REEP1: variants seen among roughly 807,000 people sequenced by gnomAD.
REEP1 encodes receptor accessory protein 1.
Under a neutral mutation model 40.3 loss-of-function variants are expected in REEP1, and 22 were observed. That is an observed-to-expected ratio of 0.55 (90% CI 0.39 to 0.78). The LOEUF is 0.78. Ranked by LOEUF, REEP1 falls within the 30% of genes least tolerant of loss-of-function variation. The probability of loss-of-function intolerance (pLI) is 0.00; values close to 1 mark genes in which losing one functional copy is unlikely to be tolerated. For synonymous variants in REEP1, 116 were observed against 139.2 expected (o/e 0.83, Z 1.17); for missense variants, 280 against 361.1 (o/e 0.78, Z 1.82).
At chr2:86,248,851 C>T (rs1158810983) in intron 5 of REEP1, among the ~76,000 whole-genome samples, 2 of 152,174 alleles carry the variant, frequency 1.3e-5, no homozygotes, top group Non-Finnish European at 2.9e-5. Context: ...TATAGTCACC[C>T]CAGCTATGGG....
Position 86,214,004 on chromosome 2 carries a change from A to G in REEP1, c.*3035T>C. The G allele has an allele frequency of 3.7e-6, 1 of 267,354 alleles. No homozygotes were observed. Among genetic ancestry groups the G allele is most frequent in the East Asian group, 8.7e-5 (1 of 11,478 alleles). The allele number at this position is 267,354 out of a possible 1,614,324, so 16.6% of individuals were successfully genotyped here. On this transcript the variant is annotated 3_prime_UTR_variant, in exon 9 of 9. Transcript: ENST00000538924. ...ACATTACAAAGATGTTTTTTAAAAG[A>G]AAAATGTTAAGACTTTATTCAAGAT...
At chr2:86,321,470 G>A (rs1680267450) in intron 1 of REEP1, among the ~76,000 whole-genome samples, 4 of 152,104 alleles carry the variant, frequency 2.6e-5, no homozygotes, top group Admixed American at 2.0e-4. Flanking sequence ...CTTAGTTTAT[G>A]AGGCTAGCAC....
chr2:86,277,134 G>C (rs1677798473), intron 2 of REEP1, among the ~76,000 whole-genome samples: 1 of 152,178 alleles, frequency 6.6e-6, no homozygotes, highest in Admixed American at 6.5e-5. Context: ...TATGGGCTTT[G>C]AGGTGCTAAC....
chr2:86,303,981 G>A (rs75882772), intron 1 of REEP1, among the ~76,000 whole-genome samples: 12,009 of 152,170 alleles, frequency 0.079, 777 homozygotes, highest in African/African-American at 0.17. Context: ...GCTGGTGACT[G>A]AAAATATGAA....
intron 5 of REEP1, among the ~76,000 whole-genome samples, chr2:86,242,544 G>T (rs1280028421): frequency 1.3e-5 from 2 of 151,918 alleles, no homozygotes; most frequent in African/African-American, 4.8e-5. Flanking sequence ...GAGTGGGGAG[G>T]ATTTCAAAGA....
chr2:86,317,914 C>T (rs1027407561), intron 1 of REEP1, among the ~76,000 whole-genome samples: 1 of 152,180 alleles, frequency 6.6e-6, no homozygotes, highest in Non-Finnish European at 1.5e-5. Context: ...CTGATGAACT[C>T]CGGTTATTCA....
intron 1 of REEP1, among the ~76,000 whole-genome samples, chr2:86,330,419 GTGT>G (rs1680713667): frequency 1.0e-5 from 1 of 99,692 alleles, no homozygotes; most frequent in Non-Finnish European, 1.9e-5. Flanking sequence ...ATCCTGGTGT[GTGT>G]GTGTGTGTGT....
At chr2:86,243,726 C>T (rs573106047) in intron 5 of REEP1, among the ~76,000 whole-genome samples, 2 of 152,276 alleles carry the variant, frequency 1.3e-5, no homozygotes, top group South Asian at 2.1e-4. Context: ...CAAACTTTTT[C>T]AGCAGTTTGT....
intron 5 of REEP1, among the ~76,000 whole-genome samples, chr2:86,248,320 T>C (rs6547667): frequency 0.13 from 20,155 of 152,156 alleles, 4,404 homozygotes; most frequent in African/African-American, 0.46. Flanking sequence ...TGAGGGTGTT[T>C]TGTGGGAGGA....
chr2:86,282,919 T>G (rs538621235), intron 1 of REEP1, among the ~76,000 whole-genome samples: 1 of 152,174 alleles, frequency 6.6e-6, no homozygotes, highest in South Asian at 2.1e-4. Context: ...AACGGCAGAG[T>G]TCCACCTGCC....
chr2:86,216,864 G>T lies in REEP1; in HGVS notation c.*175C>A, dbSNP rs1298301752. 3.0e-5 allele frequency: 17 copies of T among 564,104 alleles called. No individual in the cohort carries two copies. The highest frequency in any genetic ancestry group is 9.5e-5 in the East Asian group (3 of 31,692). The allele number at this position is 564,104 out of a possible 1,614,324, so 34.9% of individuals were successfully genotyped here. A position where few individuals can be genotyped will look rare whatever the true frequency, so the allele number is the denominator to read the frequency against. On this transcript the variant is annotated 3_prime_UTR_variant, in exon 9 of 9. Coordinates refer to ENST00000538924, the MANE Select transcript of REEP1 (RefSeq NM_001371279.1). ...TTTAGCCTCTCCCCAGCAAAATAAA[G>T]AAAAGGGGGAAAAAAATAAATCCTT...
At chr2:86,246,082 T>C (rs925793939) in intron 5 of REEP1, among the ~76,000 whole-genome samples, 5 of 152,136 alleles carry the variant, frequency 3.3e-5, no homozygotes, top group Admixed American at 1.3e-4. Flanking sequence ...CAATTTTAAT[T>C]AATTTAAATT....
At position 86,337,392 on chromosome 2, in the gene REEP1, G is replaced by A; in HGVS notation, c.32+87C>T. On this transcript the variant is annotated intron_variant, in intron 1 of 8. Transcript: ENST00000538924. This position sits in a 1 kb window ranked among gnomAD's most constrained non-coding sequence, Gnocchi z 5.8. Reference sequence around the variant, plus strand: ...CGGGTATTAATAGCCCGAGCCACTGGGACCGGGCGCTGTAGGGGCGCGCGC... The same window carrying A: ...CGGGTATTAATAGCCCGAGCCACTGAGACCGGGCGCTGTAGGGGCGCGCGC... 1 of 908,724 alleles carries A rather than the reference G, an allele frequency of 1.1e-6. No homozygotes were observed. The highest frequency in any genetic ancestry group is 1.4e-6 in the Non-Finnish European group (1 of 704,232). 56.3% of individuals were successfully genotyped at this position (908,724 alleles called of 1,614,324 possible).
At chr2:86,231,376 T>C (rs1206741334) in intron 6 of REEP1, among the ~76,000 whole-genome samples, 1 of 152,170 alleles carries the variant, frequency 6.6e-6, no homozygotes, top group Non-Finnish European at 1.5e-5. Context: ...TCTTAAGACC[T>C]GCGAAGGGCC....
chr2:86,315,017 C>T (rs1679929321), intron 1 of REEP1, among the ~76,000 whole-genome samples: 1 of 152,004 alleles, frequency 6.6e-6, no homozygotes, highest in African/African-American at 2.4e-5. Flanking sequence ...AAGGCTCTGG[C>T]CTCTTTCCTC....
At chr2:86,306,657 T>C (rs989014729) in intron 1 of REEP1, among the ~76,000 whole-genome samples, 74 of 152,348 alleles carry the variant, frequency 4.9e-4, no homozygotes, top group South Asian at 6.2e-4. Context: ...GAGCGTTATC[T>C]GATCTACAAA....
intron 1 of REEP1, among the ~76,000 whole-genome samples, chr2:86,309,136 G>A (rs997331825): frequency 6.6e-6 from 1 of 152,182 alleles, no homozygotes; most frequent in Admixed American, 6.5e-5. Flanking sequence ...CGCTGTGGGG[G>A]AATTACATTT....
At chr2:86,304,187 T>A (rs971784166) in intron 1 of REEP1, among the ~76,000 whole-genome samples, 1 of 152,138 alleles carries the variant, frequency 6.6e-6, no homozygotes, top group Admixed American at 6.5e-5. Flanking sequence ...GGTGCTCTTA[T>A]GGTCTCCCAG....
chr2:86,245,277 A>G (rs1675873028), intron 5 of REEP1, among the ~76,000 whole-genome samples: 1 of 152,246 alleles, frequency 6.6e-6, no homozygotes, highest in South Asian at 2.1e-4. Flanking sequence ...GAAAGCCACA[A>G]GAGGCCTCTA....
Sources: gnomAD v4.1 joint callset for allele counts (sites outside exome capture counted in the v4.1 genomes callset) on GRCh38, gnomAD v4.1.1 for gene constraint, Gnocchi (gnomAD v3.1) non-coding constraint, MANE v1.5 for transcripts, NCBI Gene and HGNC (gene_info 2026-07-23, HGNC 2026-07-21) for gene names.